GPR158: variants seen among roughly 807,000 people sequenced by gnomAD.
The protein encoded by GPR158 is metabotropic glycine receptor.
GPR158 carries 30 observed loss-of-function variants against 78.2 expected under a neutral mutation model. The ratio of observed to expected loss-of-function variants is 0.38; its 90% CI spans 0.29 to 0.52. The LOEUF (loss-of-function observed/expected upper bound fraction) is 0.52. Ranked by LOEUF, GPR158 falls within the 20% of genes least tolerant of loss-of-function variation. The probability of loss-of-function intolerance (pLI) is 0.83; values close to 1 mark genes in which losing one functional copy is unlikely to be tolerated. For synonymous variants in GPR158, 581 were observed against 591.1 expected (o/e 0.98, Z 0.25); for missense variants, 1,463 against 1,523.5 (o/e 0.96, Z 0.66).
At chr10:25,373,517 TA>T (rs1834033629) in intron 2 of GPR158, among the ~76,000 whole-genome samples, 1 of 152,020 alleles carries the variant, frequency 6.6e-6, no homozygotes, top group African/African-American at 2.4e-5. Flanking sequence ...TTTGGGTTTA[TA>T]CAATATTGTT....
At chr10:25,352,463 T>C (rs1855488614) in intron 2 of GPR158, among the ~76,000 whole-genome samples, 1 of 152,036 alleles carries the variant, frequency 6.6e-6, no homozygotes, top group African/African-American at 2.4e-5. Flanking sequence ...TTTAGAACCT[T>C]CCACATAAGG....
chr10:25,209,024 T>A (rs2130666644), intron 1 of GPR158, among the ~76,000 whole-genome samples: 1 of 151,866 alleles, frequency 6.6e-6, no homozygotes, highest in Non-Finnish European at 1.5e-5. Context: ...AATTTTTTTG[T>A]TTTGTATTTT....
chr10:25,544,466 C>A (rs534422005), intron 5 of GPR158, among the ~76,000 whole-genome samples: 1 of 151,948 alleles, frequency 6.6e-6, no homozygotes, highest in African/African-American at 2.4e-5. Context: ...TATTTTGGAC[C>A]CTAAATATAG....
chr10:25,421,814 A>G (rs1834755568), intron 4 of GPR158, among the ~76,000 whole-genome samples: 1 of 152,146 alleles, frequency 6.6e-6, no homozygotes, highest in African/African-American at 2.4e-5. Flanking sequence ...CCAGTTTATT[A>G]AAATTTAATC....
At chr10:25,394,508 G>T (rs990855302) in intron 2 of GPR158, among the ~76,000 whole-genome samples, 16 of 151,456 alleles carry the variant, frequency 1.1e-4, no homozygotes, top group African/African-American at 3.7e-4. Flanking sequence ...ATTTTTATTA[G>T]GTTCTGTACG....
In GPR158 at chr10:25,525,399, GGATA is replaced by G. The variant is rs200436532; in HGVS notation, c.1405-25576_1405-25573del. Among the ~76,000 whole-genome samples, 467 of 152,092 alleles carry G rather than the reference GGATA, an allele frequency of 3.1e-3. 1 individual carries two copies. Among genetic ancestry groups the G allele is most frequent in the African/African-American group, 9.5e-3 (393 of 41,502 alleles). Reference sequence around the variant, plus strand: ...TTCGCATGTTCATTAACTGATGAATGGATAAACACAATGTATTATATCTATACAG... The same window carrying G: ...TTCGCATGTTCATTAACTGATGAATGAACACAATGTATTATATCTATACAG... On this transcript the variant is annotated intron_variant, in intron 5 of 10. Coordinates refer to ENST00000376351, the MANE Select transcript of GPR158 (RefSeq NM_020752.3).
At chr10:25,564,967 A>T (rs1371136055) in intron 6 of GPR158, among the ~76,000 whole-genome samples, 1 of 152,186 alleles carries the variant, frequency 6.6e-6, no homozygotes, top group South Asian at 2.1e-4. Flanking sequence ...TATAATGAAC[A>T]TGAAAACAGG....
chr10:25,278,194 AAT>A (rs1466383592), intron 2 of GPR158, among the ~76,000 whole-genome samples: 18 of 152,188 alleles, frequency 1.2e-4, no homozygotes, highest in Non-Finnish European at 2.5e-4. Flanking sequence ...ACACACAAAA[AAT>A]AGAGATGGCA....
intron 5 of GPR158, among the ~76,000 whole-genome samples, chr10:25,512,419 G>A (rs1049522541): frequency 3.9e-5 from 6 of 152,188 alleles, no homozygotes; most frequent in South Asian, 2.1e-4. Context: ...TTAACAGTTC[G>A]AGGAGCTTTT....
intron 2 of GPR158, among the ~76,000 whole-genome samples, chr10:25,246,520 TGTTA>T (rs1853691756): frequency 6.6e-6 from 1 of 152,202 alleles, no homozygotes; most frequent in African/African-American, 2.4e-5. Context: ...TAATATTTAC[TGTTA>T]GTTCAATTAA....
At chr10:25,549,027 A>T (rs1836697977) in intron 5 of GPR158, among the ~76,000 whole-genome samples, 1 of 152,192 alleles carries the variant, frequency 6.6e-6, no homozygotes, top group Non-Finnish European at 1.5e-5. Context: ...CTCATTCATT[A>T]CCTAGAGAAA....
At chr10:25,469,269 C>G (rs994789032) in intron 5 of GPR158, among the ~76,000 whole-genome samples, 12 of 152,156 alleles carry the variant, frequency 7.9e-5, no homozygotes, top group African/African-American at 2.2e-4. Flanking sequence ...CCAAACCTTT[C>G]TCCTGAGCTC....
chr10:25,499,589 A>T (rs1207499095), intron 5 of GPR158, among the ~76,000 whole-genome samples: 1 of 152,282 alleles, frequency 6.6e-6, no homozygotes, highest in African/African-American at 2.4e-5. Flanking sequence ...AGCAGAGAAG[A>T]CAGAAAATGA....
At chr10:25,296,481 A>G (rs919172031) in intron 2 of GPR158, among the ~76,000 whole-genome samples, 5 of 144,246 alleles carry the variant, frequency 3.5e-5, no homozygotes, top group Non-Finnish European at 7.4e-5. Context: ...CTGTCTTTCT[A>G]TCTATATCTA....
chr10:25,382,690 T>A (rs1834171594), intron 2 of GPR158, among the ~76,000 whole-genome samples: 2 of 152,162 alleles, frequency 1.3e-5, no homozygotes, highest in African/African-American at 4.8e-5. Flanking sequence ...TTGAGTGTTT[T>A]CCTTTGGCTT....
chr10:25,438,001 G>T (rs1242095182), intron 4 of GPR158, among the ~76,000 whole-genome samples: 5 of 152,152 alleles, frequency 3.3e-5, no homozygotes, highest in Non-Finnish European at 1.5e-5. Flanking sequence ...GTAACAGACG[G>T]GAATAGGGTC....
chr10:25,393,039 T>C (rs1834322040), intron 2 of GPR158, among the ~76,000 whole-genome samples: 1 of 152,222 alleles, frequency 6.6e-6, no homozygotes, highest in Admixed American at 6.5e-5. Flanking sequence ...TAGCTAATAA[T>C]TCATGTTTCT....
intron 4 of GPR158, among the ~76,000 whole-genome samples, chr10:25,452,920 C>T (rs1400860280): frequency 1.3e-5 from 2 of 152,200 alleles, no homozygotes; most frequent in African/African-American, 4.8e-5. Flanking sequence ...CACCATTCTA[C>T]TCTCTGTTGC....
chr10:25,486,591 G>A (rs913198178), intron 5 of GPR158, among the ~76,000 whole-genome samples: 2 of 152,078 alleles, frequency 1.3e-5, no homozygotes, highest in Admixed American at 6.6e-5. Context: ...TTGCTAAAAC[G>A]TGGTTTTTTG....
Sources: gnomAD v4.1 joint callset for allele counts (sites outside exome capture counted in the v4.1 genomes callset) on GRCh38, gnomAD v4.1.1 for gene constraint, MANE v1.5 for transcripts, NCBI Gene and HGNC (gene_info 2026-07-23, HGNC 2026-07-21) for gene names.